CWC27: variants seen among roughly 807,000 people sequenced by gnomAD.
CWC27 encodes spliceosome-associated protein CWC27 homolog.
In CWC27, 47 loss-of-function variants were observed where a neutral mutation model predicts 63.6. The observed-to-expected ratio is 0.74, with a 90% CI of 0.58 to 0.94. CWC27 has a LOEUF of 0.94. Ranked by LOEUF, CWC27 falls within the 40% of genes least tolerant of loss-of-function variation. The pLI is 0.00. For synonymous variants in CWC27, 175 were observed against 179.8 expected, an observed-to-expected ratio of 0.97 and a Z score of 0.22; for missense variants, 495 against 554.3, an observed-to-expected ratio of 0.89 and a Z score of 1.07.
intron 10 of CWC27, among the ~76,000 whole-genome samples, chr5:64,864,666 CTTAAG>C (rs1480606772): frequency 6.6e-6 from 1 of 152,018 alleles, no homozygotes; most frequent in Non-Finnish European, 1.5e-5. Flanking sequence ...AGTATTTTTA[CTTAAG>C]TTGTTTTTAG....
intron 13 of CWC27, among the ~76,000 whole-genome samples, chr5:65,003,249 C>T (rs1010771393): frequency 6.6e-6 from 1 of 152,128 alleles, no homozygotes; most frequent in African/African-American, 2.4e-5. Context: ...TCTGGCTTTG[C>T]CTTTTAAGCA....
At chr5:64,807,845 G>A (rs780878943) in intron 10 of CWC27, 132 of 1,519,500 alleles carry the variant, frequency 8.7e-5, no homozygotes, top group Non-Finnish European at 1.1e-4. Flanking sequence ...TCTCTTCCCC[G>A]CTTCGAGAGT....
At chr5:64,949,351 T>C (rs1035355632) in intron 11 of CWC27, among the ~76,000 whole-genome samples, 6 of 152,022 alleles carry the variant, frequency 3.9e-5, no homozygotes, top group Non-Finnish European at 7.4e-5. Flanking sequence ...ATATTTCTCT[T>C]GCAAACTCCA....
chr5:64,961,531 CATT>C (rs1748912352), intron 11 of CWC27, among the ~76,000 whole-genome samples: 1 of 152,110 alleles, frequency 6.6e-6, no homozygotes, highest in South Asian at 2.1e-4. Context: ...CGTGAATCCA[CATT>C]TTGATACTTA....
chr5:64,936,629 G>T (rs1748357837), intron 11 of CWC27, among the ~76,000 whole-genome samples: 1 of 152,154 alleles, frequency 6.6e-6, no homozygotes, highest in African/African-American at 2.4e-5. Flanking sequence ...GAGTTAGGGA[G>T]GAGTCCTTCT....
intron 11 of CWC27, among the ~76,000 whole-genome samples, chr5:64,942,814 T>C (rs1748512309): frequency 1.3e-5 from 2 of 152,262 alleles, no homozygotes; most frequent in Non-Finnish European, 2.9e-5. Context: ...CTCCGGACTT[T>C]AGACACTTCA....
chr5:64,889,703 G>T lies in CWC27; in HGVS notation c.1042+4157G>T, dbSNP rs756819943. 7.1e-4 allele frequency among the ~76,000 whole-genome samples: 108 copies of T among 152,148 alleles called. 1 individual carries two copies. The highest frequency in any genetic ancestry group is 1.2e-3 in the Non-Finnish European group (84 of 68,022). On this transcript the variant is annotated intron_variant, in intron 11 of 13. Coordinates refer to ENST00000381070, the MANE Select transcript of CWC27 (RefSeq NM_005869.4). ...CACTTTGGGATTGAATATAGAATTT[G>T]CAGTAGGCTCTAACACCCTAATTTA...
chr5:64,995,623 T>C (rs772805867), intron 13 of CWC27, among the ~76,000 whole-genome samples: 1 of 152,226 alleles, frequency 6.6e-6, no homozygotes, highest in African/African-American at 2.4e-5. Flanking sequence ...TGTTTCCCCA[T>C]GGATATTAAA....
intron 11 of CWC27, among the ~76,000 whole-genome samples, chr5:64,952,655 C>T (rs1219377060): frequency 1.3e-5 from 2 of 151,928 alleles, no homozygotes; most frequent in African/African-American, 2.4e-5. Context: ...CATCTATATA[C>T]TCTTGGAATG....
At chr5:64,984,659 C>A (rs1436833798) in intron 13 of CWC27, among the ~76,000 whole-genome samples, 2 of 152,130 alleles carry the variant, frequency 1.3e-5, no homozygotes, top group Admixed American at 1.3e-4. Flanking sequence ...TGTTTTCTTA[C>A]TGTTGAGTTT....
At chr5:64,984,794 T>A (rs1230939721) in intron 13 of CWC27, among the ~76,000 whole-genome samples, 1 of 152,224 alleles carries the variant, frequency 6.6e-6, no homozygotes, top group East Asian at 1.9e-4. Context: ...TAATATTGAT[T>A]AAGTCCAGTT....
chr5:64,810,279 G>T (rs1018250340), intron 10 of CWC27, among the ~76,000 whole-genome samples: 3 of 152,106 alleles, frequency 2.0e-5, no homozygotes, highest in African/African-American at 7.2e-5. Flanking sequence ...CAAATACCAT[G>T]CTGTTTTGAT....
At chr5:64,897,315 G>A (rs1580711576) in intron 11 of CWC27, among the ~76,000 whole-genome samples, 1 of 152,102 alleles carries the variant, frequency 6.6e-6, no homozygotes. Context: ...ACTCACAATA[G>A]CAAAGACTTG....
rs149623745 is a variant in CWC27 at position 64,831,264 on chromosome 5, A to G, written c.938+26878A>G. Among the ~76,000 whole-genome samples the G allele has an allele frequency of 1.6e-3, 238 of 152,030 alleles. 1 individual carries two copies. Among genetic ancestry groups the G allele is most frequent in the African/African-American group, 5.3e-3 (221 of 41,508 alleles). ...AATTATAATTGCTAAGGTAATTTTC[A>G]TGTTTGCTGGTTAGTACATTTTCTT... On this transcript the variant is annotated intron_variant, in intron 10 of 13. Coordinates refer to ENST00000381070, the MANE Select transcript of CWC27 (RefSeq NM_005869.4).
At chr5:64,808,048 T>C in intron 10 of CWC27, 1 of 1,324,596 alleles carries the variant, frequency 7.5e-7, no homozygotes, top group South Asian at 1.7e-5. Context: ...TTTTGTCTCT[T>C]TTCTCTTGAG....
intron 10 of CWC27, among the ~76,000 whole-genome samples, chr5:64,845,538 T>G (rs1168190414): frequency 6.6e-6 from 1 of 151,956 alleles, no homozygotes. Flanking sequence ...ATAGAAACAA[T>G]ATAAAAGAAA....
chr5:64,904,476 C>T (rs914688356), intron 11 of CWC27, among the ~76,000 whole-genome samples: 6 of 152,174 alleles, frequency 3.9e-5, no homozygotes, highest in African/African-American at 1.2e-4. Flanking sequence ...CAGGAAGCCT[C>T]GGTTCCTTAC....
intron 13 of CWC27, among the ~76,000 whole-genome samples, chr5:64,978,048 C>T (rs752381975): frequency 1.3e-5 from 2 of 152,144 alleles, no homozygotes; most frequent in Admixed American, 1.3e-4. Flanking sequence ...ATCATAGCCT[C>T]GGTTCTCTCT....
intron 10 of CWC27, among the ~76,000 whole-genome samples, chr5:64,871,026 A>G (rs1475719374): frequency 6.6e-6 from 1 of 152,080 alleles, no homozygotes; most frequent in South Asian, 2.1e-4. Context: ...GCAATGATAC[A>G]TTTTGCCAGT....
Sources: gnomAD v4.1 joint callset for allele counts (sites outside exome capture counted in the v4.1 genomes callset) on GRCh38, gnomAD v4.1.1 for gene constraint, MANE v1.5 for transcripts, NCBI Gene and HGNC (gene_info 2026-07-23, HGNC 2026-07-21) for gene names.